Variants in PIK3CB observed in about 807,000 individuals in gnomAD.
PIK3CB encodes phosphatidylinositol-4,5-bisphosphate 3-kinase catalytic subunit beta.
A neutral mutation model predicts 136.8 loss-of-function variants in PIK3CB; 39 were observed. That is an observed-to-expected ratio of 0.29 (90% CI 0.22 to 0.37). The LOEUF is 0.37. Ranked by LOEUF, PIK3CB falls within the 10% of genes least tolerant of loss-of-function variation. PIK3CB has a pLI of 1.00. For synonymous variants in PIK3CB, 428 were observed against 436.6 expected (o/e 0.98, Z 0.25); for missense variants, 868 against 1,275.4 (o/e 0.68, Z 4.87).
intron 8 of PIK3CB, among the ~76,000 whole-genome samples, chr3:138,721,051 T>C (rs1185388608): frequency 6.6e-6 from 1 of 152,138 alleles, no homozygotes; most frequent in Non-Finnish European, 1.5e-5. Context: ...TTTGGGAAAA[T>C]GAAAGTGATT....
At position 138,742,585 on chromosome 3, in the gene PIK3CB, G is replaced by A. The variant is rs771628292; in HGVS notation, c.594C>T (p.Ile198=). ...GGCAGTTTTCAAAATGAACAGCTAC[G>A]ATGAGCTTTCCCCCATAAAGTTTAT... is the stretch of plus-strand genomic sequence containing the variant. ...LEDKLYGGKL[I]VAVHFENCQD... The change falls in exon 5 of 24, where the codon ATC becomes ATT. Residue 198 remains isoleucine (I), a synonymous_variant. Coordinates refer to ENST00000674063, the MANE Select transcript of PIK3CB (RefSeq NM_006219.3). 8.9e-6 allele frequency: 14 copies of A among 1,574,492 alleles called. No homozygotes were observed. Among genetic ancestry groups the A allele is most frequent in the South Asian group, 3.4e-5 (3 of 88,932 alleles).
intron 2 of PIK3CB, among the ~76,000 whole-genome samples, chr3:138,788,975 A>C (rs1370560735): frequency 7.1e-6 from 1 of 140,280 alleles, no homozygotes; most frequent in African/African-American, 3.2e-5. Flanking sequence ...AAAAAAAAAA[A>C]AAAAAAAAAA....
intron 1 of PIK3CB, among the ~76,000 whole-genome samples, chr3:138,831,781 G>T (rs112113389): frequency 6.6e-6 from 1 of 151,994 alleles, no homozygotes; most frequent in Non-Finnish European, 1.5e-5. Context: ...AAAAATTAGC[G>T]GGGCATGGTG....
At chr3:138,832,625 G>C (rs550151949) in intron 1 of PIK3CB, among the ~76,000 whole-genome samples, 5 of 151,838 alleles carry the variant, frequency 3.3e-5, no homozygotes, top group Non-Finnish European at 7.4e-5. Context: ...TTGGGAGTCC[G>C]AGACCACCCT....
intron 4 of PIK3CB, among the ~76,000 whole-genome samples, chr3:138,743,920 G>A (rs1307534138): frequency 6.6e-6 from 1 of 152,056 alleles, no homozygotes; most frequent in East Asian, 1.9e-4. Flanking sequence ...ATGACCAGAA[G>A]CCTTACCAAC....
rs547233139 is a variant in PIK3CB, at chr3:138,785,588, T to C, written c.-17+10875A>G. Among the ~76,000 whole-genome samples the C allele has an allele frequency of 2.0e-5, 3 of 152,274 alleles. No individual in the cohort carries two copies. In the South Asian group the frequency reaches 6.2e-4, roughly 32 times the overall value. ...TAAATGGATTAAGGACGGTGTAAGA[T>C]GTGCTTTGTTAAACAGATGCTTGAA... On this transcript the variant is annotated intron_variant, in intron 2 of 23. Coordinates refer to ENST00000674063, the MANE Select transcript of PIK3CB (RefSeq NM_006219.3).
intron 1 of PIK3CB, among the ~76,000 whole-genome samples, chr3:138,812,428 G>T (rs1933115184): frequency 6.6e-6 from 1 of 151,578 alleles, no homozygotes; most frequent in Admixed American, 6.6e-5. Context: ...GTAGAGATGG[G>T]GTTTCACCAC....
At chr3:138,667,662 C>T (rs1383453476) in intron 19 of PIK3CB, among the ~76,000 whole-genome samples, 1 of 150,880 alleles carries the variant, frequency 6.6e-6, no homozygotes, top group African/African-American at 2.4e-5. Context: ...CCCGGGTTCA[C>T]GTCATTATCC....
chr3:138,831,286 T>TAAAATAAAATA (rs879667038), intron 1 of PIK3CB, among the ~76,000 whole-genome samples: 2,275 of 85,486 alleles, frequency 0.027, 33 homozygotes, highest in Non-Finnish European at 0.042. Context: ...AAAATAAAAT[T>TAAAATAAAATA]AAATTAAATT....
At position 138,788,394 on chromosome 3, in the gene PIK3CB, C is replaced by T. The variant is rs1047846711; in HGVS notation, c.-17+8069G>A. On this transcript the variant is annotated intron_variant, in intron 2 of 23. Transcript: ENST00000674063. ...ACTACTGGCTGGGCACAGTGGCTCA[C>T]GCCTGTAATCCCAGCACTTTGGAAG... Among the ~76,000 whole-genome samples the T allele has an allele frequency of 5.3e-5, 8 of 152,160 alleles. No homozygotes were observed. In the East Asian group the frequency reaches 7.7e-4, roughly 15 times the overall value.
intron 1 of PIK3CB, among the ~76,000 whole-genome samples, chr3:138,807,386 A>T (rs2080981077): frequency 6.6e-6 from 1 of 152,172 alleles, no homozygotes. Flanking sequence ...GTGAGCCGAG[A>T]TTGTGCCACT....
intron 1 of PIK3CB, among the ~76,000 whole-genome samples, chr3:138,815,977 T>TC (rs1933310298): frequency 6.6e-6 from 1 of 152,198 alleles, no homozygotes; most frequent in Non-Finnish European, 1.5e-5. Flanking sequence ...TCAGTGATAA[T>TC]CTTTTTACAT....
chr3:138,733,315 C>A, intron 8 of PIK3CB, 46 bp downstream of exon 8: 1 of 854,292 alleles, frequency 1.2e-6, no homozygotes, highest in South Asian at 1.6e-5. Flanking sequence ...GTGAGTTATT[C>A]AAATACTGGA....
At chr3:138,669,086 C>T (rs1194097585) in intron 19 of PIK3CB, among the ~76,000 whole-genome samples, 1 of 152,106 alleles carries the variant, frequency 6.6e-6, no homozygotes, top group Non-Finnish European at 1.5e-5. Context: ...GCTGACACCA[C>T]TATCATTAAA....
chr3:138,745,502 G>A (rs1473079281), intron 4 of PIK3CB, among the ~76,000 whole-genome samples: 1 of 152,084 alleles, frequency 6.6e-6, no homozygotes, highest in East Asian at 1.9e-4. Context: ...ACATGGTGGT[G>A]TGTGCCTGTA....
intron 8 of PIK3CB, among the ~76,000 whole-genome samples, chr3:138,730,195 C>A (rs974838982): frequency 2.0e-5 from 3 of 152,060 alleles, no homozygotes; most frequent in Non-Finnish European, 4.4e-5. Flanking sequence ...TGTCATTAAG[C>A]CCATTAATCC....
At chr3:138,738,062 A>T (rs1165304202) in intron 5 of PIK3CB, among the ~76,000 whole-genome samples, 176 bp from the exon 6 acceptor site, 2 of 152,204 alleles carry the variant, frequency 1.3e-5, no homozygotes, top group Admixed American at 6.5e-5. Flanking sequence ...ACTGAAAGAT[A>T]AAGATTTCTG....
chr3:138,718,724 G>A (rs1320995552), intron 8 of PIK3CB, among the ~76,000 whole-genome samples: 2 of 152,140 alleles, frequency 1.3e-5, no homozygotes, highest in African/African-American at 2.4e-5. Context: ...TTTTGTTTAT[G>A]GTGTAAGGAA....
chr3:138,695,880 C>T (rs1222739494), intron 13 of PIK3CB, among the ~76,000 whole-genome samples: 1 of 151,416 alleles, frequency 6.6e-6, no homozygotes, highest in African/African-American at 2.4e-5. Context: ...CTCAGCCTCC[C>T]GAGTAGCTGG....
Sources: allele counts gnomAD v4.1 joint callset (sites outside exome capture counted in the v4.1 genomes callset), GRCh38; gene constraint gnomAD v4.1.1; transcripts MANE v1.5; gene names NCBI Gene and HGNC (gene_info 2026-07-23, HGNC 2026-07-21).